PTPRD: variants seen among roughly 807,000 people sequenced by gnomAD.
PTPRD encodes protein tyrosine phosphatase receptor type D.
A neutral mutation model predicts 214.5 loss-of-function variants in PTPRD; 34 were observed. The ratio of observed to expected loss-of-function variants is 0.16; its 90% confidence interval spans 0.12 to 0.21. The LOEUF (loss-of-function observed/expected upper bound fraction) is 0.21. Among genes scored for constraint, PTPRD ranks in the 10% least tolerant of loss-of-function variants. PTPRD has a pLI of 1.00. For missense variants in PTPRD, 2,545 were observed against 2,398.7 expected, an observed-to-expected ratio of 1.06 and a Z score of -1.27; for synonymous variants, 1,128 against 845.7, an observed-to-expected ratio of 1.33 and a Z score of -5.79.
chr9:9,626,977 A>C (rs1412445893), intron 7 of PTPRD, among the ~76,000 whole-genome samples: 1 of 152,248 alleles, frequency 6.6e-6, no homozygotes, highest in Non-Finnish European at 1.5e-5. Context: ...TAGGAATAGT[A>C]TAAGACAGAC....
chr9:8,856,013 G>C (rs1263236235), intron 11 of PTPRD, among the ~76,000 whole-genome samples: 2 of 152,144 alleles, frequency 1.3e-5, no homozygotes, highest in African/African-American at 4.8e-5. Flanking sequence ...CATAATTATG[G>C]AATGTGGGAG....
At chr9:10,465,742 C>T (rs1176040991) in intron 2 of PTPRD, among the ~76,000 whole-genome samples, 1 of 152,156 alleles carries the variant, frequency 6.6e-6, no homozygotes. Flanking sequence ...GCCATATAGC[C>T]TAGGTGTGTA....
intron 34 of PTPRD, among the ~76,000 whole-genome samples, chr9:8,449,460 T>C (rs2095854552): frequency 6.6e-6 from 1 of 152,152 alleles, no homozygotes; most frequent in African/African-American, 2.4e-5. Context: ...ATAAAAATGG[T>C]AGATATTATT....
At chr9:10,111,328 T>C (rs1341144984) in intron 3 of PTPRD, among the ~76,000 whole-genome samples, 2 of 126,868 alleles carry the variant, frequency 1.6e-5, no homozygotes, top group African/African-American at 3.0e-5. Flanking sequence ...AAGCTCCGCC[T>C]CCTGGGTTCA....
At chr9:9,052,175 G>T (rs1156495452) in intron 10 of PTPRD, among the ~76,000 whole-genome samples, 2 of 152,216 alleles carry the variant, frequency 1.3e-5, no homozygotes, top group South Asian at 2.1e-4. Flanking sequence ...TGGCAGAAGG[G>T]GCAAGGGAGC....
chr9:9,361,671 C>G (rs1175441880), intron 9 of PTPRD, among the ~76,000 whole-genome samples: 1 of 150,990 alleles, frequency 6.6e-6, no homozygotes, highest in East Asian at 1.9e-4. Context: ...TCTCCTCTAG[C>G]TATTTTGAAA....
At chr9:9,994,940 T>C (rs115763121) in intron 4 of PTPRD, among the ~76,000 whole-genome samples, 2,529 of 152,208 alleles carry the variant, frequency 0.017, 70 homozygotes, top group African/African-American at 0.056. Context: ...ATATTCACTG[T>C]ATTTTAAATT....
At chr9:9,575,783 AAG>A (rs1402686894) in intron 7 of PTPRD, among the ~76,000 whole-genome samples, 3 of 74,006 alleles carry the variant, frequency 4.1e-5, no homozygotes, top group Admixed American at 1.2e-4. Flanking sequence ...AAGAAAGAAA[AAG>A]AAAAAAAAAA....
chr9:10,604,046 T>C (rs1353295114), intron 2 of PTPRD, among the ~76,000 whole-genome samples: 1 of 151,702 alleles, frequency 6.6e-6, no homozygotes, highest in Non-Finnish European at 1.5e-5. Context: ...TGTGTCACCA[T>C]AGCTCCCTAT....
At chr9:9,973,352 G>A (rs554631777) in intron 4 of PTPRD, among the ~76,000 whole-genome samples, 39 of 150,622 alleles carry the variant, frequency 2.6e-4, no homozygotes, top group South Asian at 1.5e-3. Context: ...TGCGTCTGTC[G>A]TCCCAGCTAC....
intron 12 of PTPRD, among the ~76,000 whole-genome samples, chr9:8,698,349 CAGTT>C (rs1242078622): frequency 1.3e-5 from 2 of 152,136 alleles, no homozygotes; most frequent in African/African-American, 4.8e-5. Flanking sequence ...GCGAAGACGA[CAGTT>C]AGTGATAGTG....
At chr9:9,779,833 G>C (rs563042803) in intron 5 of PTPRD, among the ~76,000 whole-genome samples, 2 of 152,262 alleles carry the variant, frequency 1.3e-5, no homozygotes, top group South Asian at 4.2e-4. Context: ...CAGCCACTTG[G>C]GGAAAGCAGT....
At chr9:8,805,978 G>C (rs1479731566) in intron 11 of PTPRD, among the ~76,000 whole-genome samples, 1 of 127,254 alleles carries the variant, frequency 7.9e-6, no homozygotes, top group Non-Finnish European at 1.6e-5. Flanking sequence ...CTGGGCTACA[G>C]AACGAGACTC....
chr9:8,886,021 C>T (rs2098484499), intron 11 of PTPRD, among the ~76,000 whole-genome samples: 6 of 152,088 alleles, frequency 3.9e-5, no homozygotes. Context: ...CTATGACACA[C>T]CTTTATGGTT....
rs551825989 is a variant in PTPRD, at chr9:10,104,864, C to T, written c.-544-71074G>A. ...AGCATAGACGATGATTTGCTCCTGC[C>T]TTAGTCTCCTGTCGTGTTTCCTGCT... On this transcript the variant is annotated intron_variant, in intron 3 of 45. Coordinates refer to ENST00000381196, the MANE Select transcript of PTPRD (RefSeq NM_002839.4). 9.9e-5 allele frequency among the ~76,000 whole-genome samples: 15 copies of T among 151,996 alleles called. No individual in the cohort carries two copies. In the South Asian group the frequency reaches 3.1e-3, roughly 31 times the overall value.
chr9:9,468,909 T>G (rs1302716507), intron 8 of PTPRD, among the ~76,000 whole-genome samples: 1 of 152,146 alleles, frequency 6.6e-6, no homozygotes, highest in African/African-American at 2.4e-5. Flanking sequence ...CAAATTCTCA[T>G]GTGTATGTAG....
chr9:10,118,284 T>C (rs1431310471), intron 3 of PTPRD, among the ~76,000 whole-genome samples: 1 of 151,732 alleles, frequency 6.6e-6, no homozygotes, highest in African/African-American at 2.4e-5. Context: ...ATTATCTATA[T>C]ATCTATAGAA....
At chr9:8,723,623 A>G (rs918721427) in intron 12 of PTPRD, among the ~76,000 whole-genome samples, 6 of 152,350 alleles carry the variant, frequency 3.9e-5, no homozygotes, top group African/African-American at 7.2e-5. Flanking sequence ...GTTTTAAAAG[A>G]TAAGTATAGA....
intron 8 of PTPRD, among the ~76,000 whole-genome samples, chr9:9,411,061 G>C (rs112263830): frequency 6.6e-6 from 1 of 152,140 alleles, no homozygotes; most frequent in African/African-American, 2.4e-5. Flanking sequence ...GTATGTGTGT[G>C]TGTGTTGGAC....
Sources: gnomAD v4.1 joint callset for allele counts (sites outside exome capture counted in the v4.1 genomes callset) on GRCh38, gnomAD v4.1.1 for gene constraint, MANE v1.5 for transcripts, NCBI Gene and HGNC (gene_info 2026-07-23, HGNC 2026-07-21) for gene names.